The following INPP4B variants were observed in gnomAD, a reference collection of about 807,000 sequenced individuals.
INPP4B encodes the protein inositol polyphosphate 4-phosphatase type II.
Under a neutral mutation model 122.5 loss-of-function variants are expected in INPP4B, and 55 were observed. The observed-to-expected ratio is 0.45, with a 90% CI of 0.36 to 0.56. The LOEUF (loss-of-function observed/expected upper bound fraction) is 0.56. Among genes scored for constraint, INPP4B ranks in the 20% least tolerant of loss-of-function variants. INPP4B has a pLI of 0.00. For synonymous variants in INPP4B, 403 were observed against 388.7 expected, an observed-to-expected ratio of 1.04 and a Z score of -0.43; for missense variants, 1,000 against 1,097.7, an observed-to-expected ratio of 0.91 and a Z score of 1.26.
intron 2 of INPP4B, among the ~76,000 whole-genome samples, chr4:142,612,910 C>T (rs185527289): frequency 1.8e-3 from 275 of 152,196 alleles, no homozygotes; most frequent in Middle Eastern, 6.8e-3. Context: ...TCACTTAGAA[C>T]GAAAAGTTAT....
At chr4:142,484,791 T>A (rs1312820771) in intron 2 of INPP4B, among the ~76,000 whole-genome samples, 2 of 152,040 alleles carry the variant, frequency 1.3e-5, no homozygotes, top group Non-Finnish European at 1.5e-5. Context: ...GGTCCCTGTG[T>A]GTGTTATTCC....
intron 23 of INPP4B, among the ~76,000 whole-genome samples, chr4:142,087,800 G>C (rs911266059): frequency 1.8e-4 from 27 of 152,168 alleles, no homozygotes; most frequent in African/African-American, 6.0e-4. Flanking sequence ...CCAGAGGAGA[G>C]AGGAAGTATC....
At chr4:142,621,517 T>C (rs897078181) in intron 2 of INPP4B, among the ~76,000 whole-genome samples, 3 of 151,948 alleles carry the variant, frequency 2.0e-5, no homozygotes, top group Non-Finnish European at 4.4e-5. Flanking sequence ...TTAATACTAA[T>C]ATAAGAGATA....
At chr4:142,374,942 T>C (rs1314064253) in intron 7 of INPP4B, among the ~76,000 whole-genome samples, 1 of 151,856 alleles carries the variant, frequency 6.6e-6, no homozygotes, top group Non-Finnish European at 1.5e-5. Context: ...GTAGGAACAA[T>C]TACCAAGAGA....
intron 17 of INPP4B, among the ~76,000 whole-genome samples, chr4:142,149,212 C>T (rs952099481): frequency 1.3e-5 from 2 of 152,038 alleles, no homozygotes; most frequent in African/African-American, 4.8e-5. Flanking sequence ...GGGCCTGGCT[C>T]TCAGTAATTT....
At chr4:142,768,085 C>A (rs924730984) in intron 1 of INPP4B, 2 of 152,262 alleles carry the variant, frequency 1.3e-5, no homozygotes, top group South Asian at 4.2e-4. Flanking sequence ...GCTGTGTTGT[C>A]TACCTCAAAA....
At chr4:142,281,355 T>G (rs1751132520) in intron 9 of INPP4B, among the ~76,000 whole-genome samples, 1 of 151,094 alleles carries the variant, frequency 6.6e-6, no homozygotes, top group Non-Finnish European at 1.5e-5. Flanking sequence ...TTTTTTTGCT[T>G]CTTCAACAAA....
At chr4:142,219,514 G>A (rs750199686) in intron 12 of INPP4B, among the ~76,000 whole-genome samples, 4 of 152,096 alleles carry the variant, frequency 2.6e-5, no homozygotes, top group Non-Finnish European at 5.9e-5. Flanking sequence ...TCCACTTATT[G>A]TCTAAAGCAG....
intron 2 of INPP4B, among the ~76,000 whole-genome samples, chr4:142,633,310 C>T (rs998708711): frequency 6.6e-6 from 1 of 151,938 alleles, no homozygotes; most frequent in Non-Finnish European, 1.5e-5. Flanking sequence ...TTTAACACAG[C>T]CTTCTAACTA....
At chr4:142,042,487 C>T (rs1197960879) in intron 25 of INPP4B, among the ~76,000 whole-genome samples, 1 of 150,376 alleles carries the variant, frequency 6.6e-6, no homozygotes, top group African/African-American at 2.5e-5. Flanking sequence ...GTTTTTCAAC[C>T]CCCTTTTCCA....
intron 1 of INPP4B, among the ~76,000 whole-genome samples, chr4:142,753,224 G>C (rs917470823): frequency 6.6e-6 from 1 of 152,076 alleles, no homozygotes; most frequent in Non-Finnish European, 1.5e-5. Context: ...CTCTAATAAA[G>C]TGACAATTTT....
intron 23 of INPP4B, among the ~76,000 whole-genome samples, chr4:142,100,394 A>G (rs1460312640): frequency 1.3e-5 from 2 of 152,096 alleles, no homozygotes; most frequent in Admixed American, 1.3e-4. Context: ...ACAACACTCT[A>G]GATCCAGATA....
intron 7 of INPP4B, among the ~76,000 whole-genome samples, chr4:142,348,552 C>G (rs1442240304): frequency 1.3e-5 from 2 of 151,966 alleles, no homozygotes; most frequent in African/African-American, 4.8e-5. Flanking sequence ...GGCCCCTTCT[C>G]TAACCTCTTT....
intron 15 of INPP4B, among the ~76,000 whole-genome samples, chr4:142,188,721 T>C (rs980954825): frequency 2.6e-5 from 4 of 151,652 alleles, no homozygotes; most frequent in East Asian, 1.9e-4. Context: ...ATTGCTTTCA[T>C]TGAATGCTTT....
At chr4:142,502,668 A>T (rs1261453226) in intron 2 of INPP4B, among the ~76,000 whole-genome samples, 1 of 151,934 alleles carries the variant, frequency 6.6e-6, no homozygotes, top group Non-Finnish European at 1.5e-5. Context: ...TTTAGTAGAG[A>T]TGGGTTTTCA....
intron 2 of INPP4B, among the ~76,000 whole-genome samples, chr4:142,643,971 C>A (rs553319680): frequency 2.6e-4 from 39 of 152,034 alleles, no homozygotes; most frequent in African/African-American, 8.9e-4. Flanking sequence ...GAGGCTGAGG[C>A]AGGAGGATCA....
intron 15 of INPP4B, among the ~76,000 whole-genome samples, chr4:142,186,952 C>T (rs1833438818): frequency 6.6e-6 from 1 of 152,044 alleles, no homozygotes; most frequent in South Asian, 2.1e-4. Context: ...GTGTTATATA[C>T]AAGGAGTTGT....
intron 25 of INPP4B, among the ~76,000 whole-genome samples, chr4:142,050,279 C>G (rs1753796548): frequency 6.6e-6 from 1 of 151,932 alleles, no homozygotes; most frequent in Non-Finnish European, 1.5e-5. Context: ...ATGTAGAAAT[C>G]TGTAGCTAAA....
At chr4:142,513,630 ACTC>A (rs150849637) in intron 2 of INPP4B, among the ~76,000 whole-genome samples, 2,413 of 151,676 alleles carry the variant, frequency 0.016, 73 homozygotes, top group African/African-American at 0.055. Context: ...CTAGTCTAGA[ACTC>A]CTGACCTCAG....
Sources: allele counts gnomAD v4.1 joint callset (sites outside exome capture counted in the v4.1 genomes callset), GRCh38; gene constraint gnomAD v4.1.1; transcripts MANE v1.5; gene names NCBI Gene and HGNC (gene_info 2026-07-23, HGNC 2026-07-21).